The following HS2ST1 variants were observed in gnomAD, a reference collection of about 807,000 sequenced individuals.
The protein encoded by HS2ST1 is heparan sulfate 2-O-sulfotransferase 1.
In HS2ST1, 18 loss-of-function variants were observed where a neutral mutation model predicts 42.9. That is an observed-to-expected ratio of 0.42 (90% CI 0.29 to 0.62). The LOEUF is 0.62. Ranked by LOEUF, HS2ST1 falls within the 20% of genes least tolerant of loss-of-function variation. The probability of loss-of-function intolerance (pLI) is 0.21; values close to 1 mark genes in which losing one functional copy is unlikely to be tolerated. For missense variants in HS2ST1, 334 were observed against 433.8 expected (o/e 0.77, Z 2.04); for synonymous variants, 146 against 152.9 (o/e 0.95, Z 0.33).
rs201845372 is a variant in HS2ST1, at chr1:87,104,652, G to T, written c.1027G>T (p.Ala343Ser). 7.2e-5 allele frequency: 116 copies of T among 1,612,898 alleles called. No homozygotes were observed. Among genetic ancestry groups the T allele is most frequent in the Non-Finnish European group, 9.7e-5 (114 of 1,179,124 alleles). ...AAAAGATGGAGACCTCTACATCCTC[G>T]CACAAAACTTTTTCTATGAAAAGAT... ...REKDGDLYIL[A>S]QNFFYEKIYP... Residue 343 changes from alanine to serine, a missense_variant, in exon 7 of 7, where the codon GCA becomes TCA. Ala to Ser is a moderately conservative substitution (Grantham distance 99, BLOSUM62 1). Transcript: ENST00000370550.
Position 87,106,969 on chromosome 1 carries a change from C to T in HS2ST1, c.*2273C>T, listed in dbSNP as rs550011963. ...AGAGTAAATATTTTAGGCTTTGCAG[C>T]CCATACGGTCTCTGTCACAGCTAGT... On this transcript the variant is annotated 3_prime_UTR_variant, in exon 7 of 7. Coordinates refer to ENST00000370550, the MANE Select transcript of HS2ST1 (RefSeq NM_012262.4). The T allele has an allele frequency of 6.6e-6, 1 of 152,054 alleles. No homozygotes were observed. Among genetic ancestry groups the T allele is most frequent in the African/African-American group, 2.4e-5 (1 of 41,434 alleles). The allele number at this position is 152,054 out of a possible 1,614,324, so 9.4% of individuals were successfully genotyped here.
intron 1 of HS2ST1, among the ~76,000 whole-genome samples, chr1:86,920,391 A>G (rs1660268576): frequency 6.6e-6 from 1 of 152,206 alleles, no homozygotes; most frequent in Non-Finnish European, 1.5e-5. Flanking sequence ...GATGTTCCAG[A>G]GAATGCTAGA....
intron 1 of HS2ST1, among the ~76,000 whole-genome samples, chr1:86,975,514 T>C (rs1648372266): frequency 6.6e-6 from 1 of 152,184 alleles, no homozygotes; most frequent in Non-Finnish European, 1.5e-5. Context: ...ATAGAAATTC[T>C]GAATCTGTAG....
At chr1:87,011,995 TCTC>T (rs1287567160) in intron 1 of HS2ST1, among the ~76,000 whole-genome samples, 1 of 152,214 alleles carries the variant, frequency 6.6e-6, no homozygotes, top group South Asian at 2.1e-4. Context: ...AATTATCAAT[TCTC>T]CTTCAGTATG....
intron 1 of HS2ST1, among the ~76,000 whole-genome samples, chr1:87,029,243 G>A (rs1300546856): frequency 6.6e-6 from 1 of 152,146 alleles, no homozygotes; most frequent in Non-Finnish European, 1.5e-5. Flanking sequence ...CCACATAGGT[G>A]CAATGTTTTA....
chr1:86,937,030 G>A (rs551545707), intron 1 of HS2ST1, among the ~76,000 whole-genome samples: 5 of 151,868 alleles, frequency 3.3e-5, no homozygotes, highest in Admixed American at 1.3e-4. Flanking sequence ...GCTTGAACCC[G>A]GGAGGTGGAG....
In HS2ST1 at chr1:87,084,836, G is replaced by GTCACTCAC. The variant is rs66857719; in HGVS notation, c.449+584_449+591dup. Among the ~76,000 whole-genome samples, 184 of 143,152 alleles carry GTCACTCAC rather than the reference G, an allele frequency of 1.3e-3. 1 individual carries two copies. The highest frequency in any genetic ancestry group is 3.8e-3 in the African/African-American group (146 of 38,328). 93.9% of individuals were successfully genotyped at this position (143,152 alleles called of 152,430 possible). A position where few individuals can be genotyped will look rare whatever the true frequency, so the allele number is the denominator to read the frequency against. ...TCTCTCTTGCTCTCTCTCCCTCCCT[G>GTCACTCAC]TCACTCACTCACTCACTCACTCACT... On this transcript the variant is annotated intron_variant, in intron 3 of 6. Coordinates refer to ENST00000370550, the MANE Select transcript of HS2ST1 (RefSeq NM_012262.4).
chr1:86,926,122 A>C (rs909860120), intron 1 of HS2ST1, among the ~76,000 whole-genome samples: 8 of 152,224 alleles, frequency 5.3e-5, no homozygotes, highest in African/African-American at 1.9e-4. Flanking sequence ...CATTACTGGC[A>C]GTCCCTTGTA....
At chr1:87,094,005 ATATT>A (rs1194040902) in intron 4 of HS2ST1, among the ~76,000 whole-genome samples, 1 of 152,066 alleles carries the variant, frequency 6.6e-6, no homozygotes, top group African/African-American at 2.4e-5. Context: ...TCTTCTAGAA[ATATT>A]TATTGTGGAG....
At chr1:86,916,465 C>CA in intron 1 of HS2ST1, among the ~76,000 whole-genome samples, 1 of 152,082 alleles carries the variant, frequency 6.6e-6, no homozygotes, top group Non-Finnish European at 1.5e-5. Context: ...CAAGGCTTTG[C>CA]AAAAGCCTTG....
rs188236942 is a variant in HS2ST1, at chr1:87,059,015, C to T, written c.125-13919C>T. 3.9e-3 allele frequency among the ~76,000 whole-genome samples: 593 copies of T among 152,208 alleles called. 3 individuals carry two copies. The highest frequency in any genetic ancestry group is 0.014 in the African/African-American group (575 of 41,536). The stretch of plus-strand genomic sequence containing the variant: ...CAGAGCTTGCAGTGAGCCGAGATCA[C>T]ACCACTGCACTCCAACCTGGGCAAC... On this transcript the variant is annotated intron_variant, in intron 1 of 6. Transcript: ENST00000370550.
chr1:86,968,362 GT>G, intron 1 of HS2ST1, among the ~76,000 whole-genome samples: 1 of 151,844 alleles, frequency 6.6e-6, no homozygotes, highest in Non-Finnish European at 1.5e-5. Flanking sequence ...TGGTAACACA[GT>G]TTTTGAAGTC....
chr1:87,008,991 A>G (rs2100576140), intron 1 of HS2ST1, among the ~76,000 whole-genome samples: 1 of 152,128 alleles, frequency 6.6e-6, no homozygotes, highest in African/African-American at 2.4e-5. Flanking sequence ...CCACAGGTGC[A>G]TGCCACCACA....
chr1:87,049,838 G>A (rs557361275), intron 1 of HS2ST1, among the ~76,000 whole-genome samples: 64 of 152,148 alleles, frequency 4.2e-4, no homozygotes, highest in African/African-American at 1.5e-3. Context: ...ATCAATTGTT[G>A]TGAGCATGAT....
At chr1:87,056,317 G>C (rs905813356) in intron 1 of HS2ST1, among the ~76,000 whole-genome samples, 1 of 152,184 alleles carries the variant, frequency 6.6e-6, no homozygotes, top group African/African-American at 2.4e-5. Flanking sequence ...GAAGACAACA[G>C]ATGTGGCTGC....
intron 2 of HS2ST1, among the ~76,000 whole-genome samples, chr1:87,075,638 T>C (rs1192356447): frequency 2.0e-5 from 3 of 152,170 alleles, no homozygotes; most frequent in Non-Finnish European, 4.4e-5. Context: ...CCATCCTCTT[T>C]ATTCCCTCAC....
intron 1 of HS2ST1, among the ~76,000 whole-genome samples, chr1:86,985,551 T>C (rs1175221060): frequency 5.3e-5 from 2 of 37,808 alleles, no homozygotes; most frequent in East Asian, 3.7e-3. Flanking sequence ...CACACATATA[T>C]ATACACACAC....
chr1:86,921,944 A>G (rs1660308834), intron 1 of HS2ST1, among the ~76,000 whole-genome samples: 1 of 152,178 alleles, frequency 6.6e-6, no homozygotes, highest in South Asian at 2.1e-4. Flanking sequence ...GGTAGACAGC[A>G]TCTAATCTTT....
intron 4 of HS2ST1, among the ~76,000 whole-genome samples, chr1:87,096,266 A>T (rs1274989101): frequency 1.3e-5 from 2 of 152,224 alleles, no homozygotes; most frequent in African/African-American, 4.8e-5. Context: ...ACTTTGCTAC[A>T]TTAAAATCTA....
Sources: allele counts gnomAD v4.1 joint callset (sites outside exome capture counted in the v4.1 genomes callset), GRCh38; gene constraint gnomAD v4.1.1; transcripts MANE v1.5; gene names NCBI Gene and HGNC (gene_info 2026-07-23, HGNC 2026-07-21).